Variants in COCH observed in about 807,000 individuals in gnomAD.
The protein encoded by COCH is cochlin.
COCH carries 40 observed loss-of-function variants against 54.8 expected under a neutral mutation model. That is an observed-to-expected ratio of 0.73 (90% CI 0.57 to 0.95). COCH has a LOEUF of 0.95. Among genes scored for constraint, COCH ranks in the 40% least tolerant of loss-of-function variants. The pLI is 0.00. For synonymous variants in COCH, 256 were observed against 237.9 expected, an observed-to-expected ratio of 1.08 and a Z score of -0.70; for missense variants, 605 against 675.0, an observed-to-expected ratio of 0.90 and a Z score of 1.15.
chr14:30,884,371 A>G, intron 8 of COCH, 182 bp from the exon 9 acceptor site: 1 of 591,966 alleles, frequency 1.7e-6, no homozygotes, highest in Non-Finnish European at 3.0e-6. Flanking sequence ...ATTATTTGTT[A>G]CACCTCTGAA....
intron 8 of COCH, among the ~76,000 whole-genome samples, chr14:30,882,867 C>T (rs189317308): frequency 6.6e-6 from 1 of 152,276 alleles, no homozygotes; most frequent in Non-Finnish European, 1.5e-5. Context: ...CCAGCCTGGA[C>T]AACAGAGAAA....
Position 30,885,882 on chromosome 14 carries a change from G to T in COCH, c.1047G>T (p.Lys349Asn), listed in dbSNP as rs770350333. 1.2e-6 allele frequency: 2 copies of T among 1,614,198 alleles called. No homozygotes were observed. The highest frequency in any genetic ancestry group is 2.2e-5 in the South Asian group (2 of 91,086). The change falls in exon 11 of 12, where the codon AAG becomes AAT. Residue 349 changes from lysine (K) to asparagine (N), a missense_variant. Lys to Asn is a moderately conservative substitution (Grantham distance 94, BLOSUM62 0). Transcript: ENST00000396618. ...AATACGTAAAGCCTCTGGTACAGAAGCTGTGCACTCATGAACAAATGATGT... is the reference window on the plus strand; with the variant it reads ...AATACGTAAAGCCTCTGGTACAGAATCTGTGCACTCATGAACAAATGATGT... ...TTKYVKPLVQ[K>N]LCTHEQMMCS...
At chr14:30,888,430 T>G (rs73260364) in intron 11 of COCH, among the ~76,000 whole-genome samples, 242 of 152,000 alleles carry the variant, frequency 1.6e-3, no homozygotes, top group African/African-American at 5.4e-3. Context: ...TTACAGAAAC[T>G]CCAAAAGTTA....
At chr14:30,890,678 G>A (rs1406702655), downstream of COCH, 5 of 564,162 alleles carry the variant, frequency 8.9e-6, no homozygotes, top group African/African-American at 2.1e-5. Context: ...AATTCATGTG[G>A]AAAGACCAAT....
rs186558720 is a variant in COCH, at chr14:30,884,424, C to T, written c.630-129C>T. On this transcript the variant is annotated intron_variant, in intron 8 of 11. Coordinates refer to ENST00000396618, the MANE Select transcript of COCH (RefSeq NM_004086.3). ...AGTAAGGATGCAATGCCTCAGTTGA[C>T]TATGTACTATGGAATTAAGAAAGAA... 1.9e-4 allele frequency: 127 copies of T among 683,744 alleles called. No homozygotes were observed. In the African/African-American group the frequency reaches 2.0e-3, roughly 11 times the overall value. 42.4% of individuals were successfully genotyped at this position (683,744 alleles called of 1,614,324 possible). A position where few individuals can be genotyped will look rare whatever the true frequency, so the allele number is the denominator to read the frequency against.
In COCH at chr14:30,875,301, A is replaced by AG. The variant is rs1895316666; in HGVS notation, c.82+203dup. The AG allele has an allele frequency of 3.8e-6, 3 of 788,512 alleles. No individual in the cohort carries two copies. The African/African-American group carries it at 5.2e-5, about 14-fold the overall frequency. The allele number at this position is 788,512 out of a possible 1,614,324, so 48.8% of individuals were successfully genotyped here. On this transcript the variant is annotated intron_variant, in intron 3 of 11. Transcript: ENST00000396618. ...CCTGCTCACCTGTTTCTCCCATGGT[A>AG]GGGGGCCCCTGGGGTCCAGTGGGGG...
intron 8 of COCH, among the ~76,000 whole-genome samples, chr14:30,881,446 T>C (rs1895583777): frequency 6.6e-6 from 1 of 152,162 alleles, no homozygotes; most frequent in Non-Finnish European, 1.5e-5. Context: ...CTGTGTGCTA[T>C]CTATATAAGA....
chr14:30,890,661 T>C (rs1895951245), downstream of COCH: 3 of 761,592 alleles, frequency 3.9e-6, no homozygotes, highest in South Asian at 6.0e-5. Context: ...CCTGAGGATA[T>C]GGTAAAAATT....
chr14:30,881,941 G>A (rs1167022694), intron 8 of COCH, among the ~76,000 whole-genome samples: 2 of 151,416 alleles, frequency 1.3e-5, no homozygotes, highest in African/African-American at 2.4e-5. Flanking sequence ...TCCAGCCTGG[G>A]CAACAGAGCA....
chr14:30,893,589 A>G (rs1304679419), downstream of COCH, among the ~76,000 whole-genome samples: 3 of 152,242 alleles, frequency 2.0e-5, no homozygotes, highest in Admixed American at 6.5e-5. Context: ...ATAATGTAAC[A>G]GGATGTCTAA....
intron 11 of COCH, 58 bp from the exon 12 acceptor site, chr14:30,889,558 A>G: frequency 6.9e-7 from 1 of 1,451,492 alleles, no homozygotes; most frequent in Non-Finnish European, 9.7e-7. Flanking sequence ...ATATAGACAT[A>G]ATTCCATATA....
intron 11 of COCH, among the ~76,000 whole-genome samples, chr14:30,886,875 C>T (rs1190835612): frequency 6.6e-6 from 1 of 152,088 alleles, no homozygotes; most frequent in African/African-American, 2.4e-5. Flanking sequence ...ATGCCACTGC[C>T]CCTGGCTAAT....
downstream of COCH, among the ~76,000 whole-genome samples, chr14:30,891,385 A>G (rs978954943): frequency 5.3e-5 from 8 of 152,228 alleles, no homozygotes; most frequent in African/African-American, 1.9e-4. Context: ...TTAACTGGTT[A>G]GAATAATATA....
chr14:30,885,355 G>A (rs1232813980), intron 9 of COCH, 39 bp from the exon 10 acceptor site: 3 of 1,497,080 alleles, frequency 2.0e-6, no homozygotes, highest in Non-Finnish European at 1.9e-6. Context: ...GGTTTGAGCA[G>A]TGGTAAAGGC....
downstream of COCH, chr14:30,895,074 AAAAAAGAAG>A (rs1566420866): frequency 9.2e-6 from 2 of 218,450 alleles, no homozygotes; most frequent in African/African-American, 4.8e-5. Context: ...AAAAAAAAAA[AAAAAAGAAG>A]AAGAAGAAGA....
At chr14:30,894,333 A>C (rs1279007197), downstream of COCH, 1 of 152,600 alleles carries the variant, frequency 6.6e-6, no homozygotes, top group Non-Finnish European at 1.5e-5. Context: ...TAAACTATAA[A>C]ATACTCCATT....
chr14:30,895,102 A>C, downstream of COCH: 1 of 288,216 alleles, frequency 3.5e-6, no homozygotes, highest in South Asian at 9.7e-5. Flanking sequence ...GAGAAAAAAA[A>C]AAACTTTTTT....
At chr14:30,895,067 A>AG, downstream of COCH, 1 of 213,106 alleles carries the variant, frequency 4.7e-6, no homozygotes, top group African/African-American at 2.4e-5. Flanking sequence ...AAAAAAAAAA[A>AG]AAAAAAAAAA....
Position 30,875,086 on chromosome 14 carries a change from C to G in COCH, c.65C>G (p.Ala22Gly). 4 of 1,585,092 alleles carry G rather than the reference C, an allele frequency of 2.5e-6. No homozygotes were observed. Among genetic ancestry groups the G allele is most frequent in the Non-Finnish European group, 3.4e-6 (4 of 1,166,386 alleles). Residue 22 changes from alanine (A) to glycine (G), a missense_variant, in exon 3 of 12, where the codon GCG becomes GGG. Ala to Gly is a moderately conservative substitution (Grantham distance 60). Transcript: ENST00000396618. ...TGTCTGCTGCTGCTGCCGGGGCCCG[C>G]GGGCAGCGAGGGAGCCGGTGAGTGG... Reference protein sequence around the residue: ...GVCLLLLPGPAGSEGAAPIAI... With the variant: ...GVCLLLLPGPGGSEGAAPIAI...
Sources: allele counts gnomAD v4.1 joint callset (sites outside exome capture counted in the v4.1 genomes callset), GRCh38; gene constraint gnomAD v4.1.1; transcripts MANE v1.5; gene names NCBI Gene and HGNC (gene_info 2026-07-23, HGNC 2026-07-21).